The following ATP8A2 variants were observed in gnomAD, a reference collection of about 807,000 sequenced individuals.
ATP8A2 encodes phospholipid-transporting ATPase IB.
Under a neutral mutation model 165.6 loss-of-function variants are expected in ATP8A2, and 100 were observed. The observed-to-expected ratio is 0.60, with a 90% confidence interval of 0.51 to 0.71. The LOEUF (loss-of-function observed/expected upper bound fraction) is 0.71, where lower values mean the gene tolerates loss of function less well. Among genes scored for constraint, ATP8A2 ranks in the 30% least tolerant of loss-of-function variants. The probability of loss-of-function intolerance (pLI) is 0.00; values close to 1 mark genes in which losing one functional copy is unlikely to be tolerated. For synonymous variants in ATP8A2, 543 were observed against 548.8 expected (o/e 0.99, Z 0.15); for missense variants, 1,227 against 1,479.5 (o/e 0.83, Z 2.80).
At chr13:25,892,268 G>A (rs1433346595) in intron 33 of ATP8A2, among the ~76,000 whole-genome samples, 1 of 152,088 alleles carries the variant, frequency 6.6e-6, no homozygotes. Context: ...GAGCCACTGC[G>A]CCTGGCACCT....
At position 25,372,227 on chromosome 13, in the gene ATP8A2, A is replaced by G; in HGVS notation, c.15A>G (p.Ala5=). Residue 5 remains alanine, a synonymous_variant, in exon 1 of 37, where the codon GCA becomes GCG. Coordinates refer to ENST00000381655, the MANE Select transcript of ATP8A2 (RefSeq NM_016529.6). The surrounding 1 kb of genome is among the most constrained non-coding windows in gnomAD (Gnocchi z 4.8). MLNG[A]GLDKALKMSL... is the part of the protein sequence containing the mutation. ...ACACGGGCGAGATGCTGAACGGCGC[A>G]GGCCTGGACAAAGCTCTTAAGATGT... 1.4e-6 allele frequency: 2 copies of G among 1,467,286 alleles called. No individual in the cohort carries two copies. Among genetic ancestry groups the G allele is most frequent in the Non-Finnish European group, 1.8e-6 (2 of 1,104,508 alleles). 90.9% of individuals were successfully genotyped at this position (1,467,286 alleles called of 1,614,324 possible).
chr13:25,851,582 CA>C (rs200852097), intron 30 of ATP8A2, among the ~76,000 whole-genome samples: 1,166 of 108,940 alleles, frequency 0.011, 8 homozygotes, highest in African/African-American at 0.026. Flanking sequence ...GACTCTGTCT[CA>C]AAAAAAAAAA....
chr13:25,720,711 C>T (rs1301047986), intron 25 of ATP8A2, among the ~76,000 whole-genome samples: 5 of 152,168 alleles, frequency 3.3e-5, no homozygotes, highest in African/African-American at 9.6e-5. Context: ...TCCTCATCCT[C>T]GTCCCCTTTA....
chr13:25,441,079 A>G (rs919700338), intron 1 of ATP8A2, among the ~76,000 whole-genome samples: 3 of 152,126 alleles, frequency 2.0e-5, no homozygotes, highest in Non-Finnish European at 4.4e-5. Flanking sequence ...GGGGATCAGG[A>G]TGTTTCTGTT....
In ATP8A2 at chr13:25,794,646, G is replaced by A. The variant is rs565287012; in HGVS notation, c.2679+19687G>A. Among the ~76,000 whole-genome samples, 41 of 151,960 alleles carry A rather than the reference G, an allele frequency of 2.7e-4. No homozygotes were observed. In the South Asian group the frequency reaches 8.4e-3, roughly 31 times the overall value. ...TGCGCAGTTATCAAAACTCACAACT[G>A]TACATTAAAAAGGATGAATAATTAT... On this transcript the variant is annotated intron_variant, in intron 27 of 36. Transcript: ENST00000381655.
intron 24 of ATP8A2, among the ~76,000 whole-genome samples, chr13:25,697,964 C>G (rs867471045): frequency 6.6e-6 from 1 of 152,188 alleles, no homozygotes; most frequent in African/African-American, 2.4e-5. Flanking sequence ...TTAATAGTAG[C>G]TGATCCTCAA....
chr13:25,811,110 C>G (rs1368977699), intron 27 of ATP8A2, among the ~76,000 whole-genome samples: 3 of 151,930 alleles, frequency 2.0e-5, no homozygotes, highest in Non-Finnish European at 2.9e-5. Flanking sequence ...ATCCTGTCAT[C>G]TTAACTAAGA....
intron 33 of ATP8A2, among the ~76,000 whole-genome samples, chr13:25,955,103 A>G (rs1312185250): frequency 6.6e-6 from 1 of 152,254 alleles, no homozygotes; most frequent in Non-Finnish European, 1.5e-5. Context: ...AGAACCTTGA[A>G]AAAAGGTTAT....
chr13:25,988,146 C>G (rs546607552), intron 35 of ATP8A2, among the ~76,000 whole-genome samples: 12 of 152,224 alleles, frequency 7.9e-5, no homozygotes, highest in Non-Finnish European at 1.5e-4. Flanking sequence ...AGGTTGGTGA[C>G]TGAGAAGGGT....
intron 2 of ATP8A2, among the ~76,000 whole-genome samples, chr13:25,489,229 G>T (rs555327587): frequency 6.6e-6 from 1 of 152,042 alleles, no homozygotes; most frequent in South Asian, 2.1e-4. Context: ...GGCCACTCTC[G>T]TTCTATTCCC....
intron 25 of ATP8A2, among the ~76,000 whole-genome samples, chr13:25,746,815 T>C (rs7328613): frequency 2.6e-5 from 4 of 152,196 alleles, no homozygotes; most frequent in Admixed American, 1.3e-4. Flanking sequence ...AAGCCAATTT[T>C]TATAACCAGA....
intron 35 of ATP8A2, among the ~76,000 whole-genome samples, chr13:25,985,728 G>A (rs183826116): frequency 1.3e-5 from 2 of 152,362 alleles, no homozygotes; most frequent in Non-Finnish European, 2.9e-5. Context: ...TGGAGAGGGT[G>A]TGTTTGCCCT....
chr13:25,724,515 A>G (rs761921040), intron 25 of ATP8A2, among the ~76,000 whole-genome samples: 1 of 152,248 alleles, frequency 6.6e-6, no homozygotes, highest in East Asian at 1.9e-4. Flanking sequence ...TGTAAGTTTT[A>G]TCTCCTTGAT....
chr13:25,856,973 A>T (rs541589381), intron 30 of ATP8A2, among the ~76,000 whole-genome samples: 1 of 152,190 alleles, frequency 6.6e-6, no homozygotes, highest in African/African-American at 2.4e-5. Flanking sequence ...CCATTCTCCC[A>T]TAAAAGCTGG....
At chr13:25,508,665 T>C (rs1018501843) in intron 2 of ATP8A2, among the ~76,000 whole-genome samples, 2 of 152,216 alleles carry the variant, frequency 1.3e-5, no homozygotes, top group African/African-American at 2.4e-5. Context: ...GGAGAAAAGA[T>C]GGAAACGTAT....
rs116957095 is a variant in ATP8A2 at position 25,372,806 on chromosome 13, A to G, written c.76+518A>G. ...GAGCCCCGGGTCCTCGCGCGCTCAC[A>G]GCGGCGACGTACTGGCTCATAACCA... On this transcript the variant is annotated intron_variant, in intron 1 of 36. Coordinates refer to ENST00000381655, the MANE Select transcript of ATP8A2 (RefSeq NM_016529.6). This position sits in a 1 kb window ranked among gnomAD's most constrained non-coding sequence, Gnocchi z 4.8. 6.6e-6 allele frequency among the ~76,000 whole-genome samples: 1 copy of G among 152,144 alleles called. No homozygotes were observed.
In ATP8A2 at chr13:25,828,045, G is replaced by T; in HGVS notation, c.2680-73G>T. 3 of 1,220,040 alleles carry T rather than the reference G, an allele frequency of 2.5e-6. No homozygotes were observed. The South Asian group carries it at 3.6e-5, about 15-fold the overall frequency. 75.6% of individuals were successfully genotyped at this position (1,220,040 alleles called of 1,614,324 possible). The stretch of plus-strand genomic sequence containing the variant: ...TGTCCAGCTGGTGGTCCACATTCCC[G>T]CTACTTCTTCAGTGAATGGAAACAT... On this transcript the variant is annotated intron_variant, in intron 27 of 36. Coordinates refer to ENST00000381655, the MANE Select transcript of ATP8A2 (RefSeq NM_016529.6).
intron 25 of ATP8A2, among the ~76,000 whole-genome samples, chr13:25,721,686 A>T (rs1427004538): frequency 6.6e-6 from 1 of 152,200 alleles, no homozygotes; most frequent in Non-Finnish European, 1.5e-5. Context: ...TGTAAATGGA[A>T]TCATACATCA....
chr13:25,722,975 C>A (rs996686754), intron 25 of ATP8A2, among the ~76,000 whole-genome samples: 1 of 152,178 alleles, frequency 6.6e-6, no homozygotes, highest in Non-Finnish European at 1.5e-5. Flanking sequence ...TTCAAGGTTA[C>A]TTGAGTTTAC....
Sources: gnomAD v4.1 joint callset for allele counts (sites outside exome capture counted in the v4.1 genomes callset) on GRCh38, gnomAD v4.1.1 for gene constraint, Gnocchi (gnomAD v3.1) non-coding constraint, MANE v1.5 for transcripts, NCBI Gene and HGNC (gene_info 2026-07-23, HGNC 2026-07-21) for gene names.